Variants in ADAMTSL1 observed in about 807,000 individuals in gnomAD.
The protein encoded by ADAMTSL1 is ADAMTS-like protein 1.
In ADAMTSL1, 126 loss-of-function variants were observed where a neutral mutation model predicts 201.8. The observed-to-expected ratio is 0.62, with a 90% CI of 0.54 to 0.72. ADAMTSL1 has a LOEUF of 0.72. Ranked by LOEUF, ADAMTSL1 falls within the 30% of genes least tolerant of loss-of-function variation. The pLI is 0.00. For missense variants in ADAMTSL1, 2,679 were observed against 2,277.8 expected, an observed-to-expected ratio of 1.18 and a Z score of -3.59; for synonymous variants, 1,121 against 903.4, an observed-to-expected ratio of 1.24 and a Z score of -4.32.
intron 2 of ADAMTSL1, among the ~76,000 whole-genome samples, chr9:18,256,111 C>T (rs1831672806): frequency 6.6e-6 from 1 of 152,180 alleles, no homozygotes; most frequent in South Asian, 2.1e-4. Context: ...TAAAATGTGA[C>T]ATAATGCTTC....
At chr9:18,260,929 A>G (rs762700851) in intron 2 of ADAMTSL1, among the ~76,000 whole-genome samples, 1 of 150,454 alleles carries the variant, frequency 6.6e-6, no homozygotes, top group Non-Finnish European at 1.5e-5. Flanking sequence ...GGCTCTGGCT[A>G]TGTTCAGCTC....
At chr9:18,685,496 G>T (rs1587894713) in intron 13 of ADAMTSL1, among the ~76,000 whole-genome samples, 1 of 152,040 alleles carries the variant, frequency 6.6e-6, no homozygotes, top group Admixed American at 6.5e-5. Flanking sequence ...ACAAACGAGG[G>T]GATACAATTG....
intron 1 of ADAMTSL1, among the ~76,000 whole-genome samples, chr9:18,099,203 CT>C (rs1169024096): frequency 6.7e-6 from 1 of 149,202 alleles, no homozygotes; most frequent in Non-Finnish European, 1.5e-5. Context: ...CATTATCTGT[CT>C]TTGAGTATTC....
chr9:18,905,591 A>G (rs1830258418), intron 26 of ADAMTSL1, 191 bp from the exon 27 acceptor site: 1 of 570,682 alleles, frequency 1.8e-6, no homozygotes, highest in East Asian at 2.9e-5. Context: ...GACCACAGGA[A>G]ATCTAACCAT....
chr9:18,410,067 A>G (rs543468400), intron 2 of ADAMTSL1, among the ~76,000 whole-genome samples: 2 of 151,970 alleles, frequency 1.3e-5, no homozygotes, highest in South Asian at 4.2e-4. Context: ...TTTTGTAGAT[A>G]CCCTTTATTA....
At chr9:18,409,074 A>G (rs997103622) in intron 2 of ADAMTSL1, among the ~76,000 whole-genome samples, 2 of 151,974 alleles carry the variant, frequency 1.3e-5, no homozygotes, top group Admixed American at 6.6e-5. Context: ...CTGTGAATCT[A>G]TTTTTCAAAT....
At chr9:17,969,118 G>C (rs1818101210) in intron 1 of ADAMTSL1, among the ~76,000 whole-genome samples, 1 of 151,882 alleles carries the variant, frequency 6.6e-6, no homozygotes, top group Non-Finnish European at 1.5e-5. Context: ...TGTATACATT[G>C]AGCCTAATTT....
intron 1 of ADAMTSL1, among the ~76,000 whole-genome samples, chr9:18,500,351 A>G (rs773903068): frequency 1.6e-4 from 24 of 152,266 alleles, no homozygotes; most frequent in Non-Finnish European, 2.9e-4. Flanking sequence ...TGTAGGAGGC[A>G]TATAATGATC....
At chr9:18,583,351 G>A (rs948298015) in intron 4 of ADAMTSL1, among the ~76,000 whole-genome samples, 7 of 152,338 alleles carry the variant, frequency 4.6e-5, no homozygotes, top group Middle Eastern at 3.4e-3. Flanking sequence ...CTTCCATGTG[G>A]TGTTGAGCCT....
intron 3 of ADAMTSL1, among the ~76,000 whole-genome samples, chr9:18,547,077 CCATTT>C (rs1425350779): frequency 6.6e-6 from 1 of 152,072 alleles, no homozygotes; most frequent in African/African-American, 2.4e-5. Flanking sequence ...TTTCTTATTA[CCATTT>C]AATTTACTAT....
At chr9:18,885,837 C>T (rs1177823994) in intron 23 of ADAMTSL1, among the ~76,000 whole-genome samples, 4 of 152,038 alleles carry the variant, frequency 2.6e-5, no homozygotes, top group Admixed American at 1.3e-4. Context: ...GGAAAGAACA[C>T]GGTCCAGGCG....
intron 14 of ADAMTSL1, among the ~76,000 whole-genome samples, chr9:18,707,289 T>G (rs1490676928): frequency 6.6e-6 from 1 of 152,218 alleles, no homozygotes; most frequent in Non-Finnish European, 1.5e-5. Flanking sequence ...TGGCTTTCAG[T>G]TGTCATTCTG....
chr9:18,672,536 A>C (rs1261125884), intron 9 of ADAMTSL1, among the ~76,000 whole-genome samples: 1 of 152,204 alleles, frequency 6.6e-6, no homozygotes, highest in African/African-American at 2.4e-5. Context: ...ATCTGTGTGT[A>C]TACATGTGTC....
chr9:18,751,633 C>T (rs1391284027), intron 15 of ADAMTSL1, among the ~76,000 whole-genome samples: 1 of 152,202 alleles, frequency 6.6e-6, no homozygotes, highest in African/African-American at 2.4e-5. Context: ...AAAACTGACT[C>T]AGATGCGGGC....
intron 23 of ADAMTSL1, among the ~76,000 whole-genome samples, chr9:18,871,198 G>A (rs564771283): frequency 6.6e-5 from 10 of 152,248 alleles, no homozygotes; most frequent in Admixed American, 4.6e-4. Context: ...ATTACCAGAG[G>A]TGGGGAGCCT....
intron 16 of ADAMTSL1, among the ~76,000 whole-genome samples, chr9:18,768,866 T>G (rs1820517335): frequency 6.6e-6 from 1 of 152,184 alleles, no homozygotes; most frequent in African/African-American, 2.4e-5. Flanking sequence ...CCATTGGGTA[T>G]GGTGAGAGAA....
intron 2 of ADAMTSL1, among the ~76,000 whole-genome samples, chr9:18,467,785 GCTTT>G (rs1175789840): frequency 6.6e-6 from 1 of 152,200 alleles, no homozygotes; most frequent in African/African-American, 2.4e-5. Flanking sequence ...GTGGAGCATG[GCTTT>G]CTATTATCCT....
At chr9:17,943,576 T>C (rs1234372521) in intron 1 of ADAMTSL1, among the ~76,000 whole-genome samples, 1 of 152,128 alleles carries the variant, frequency 6.6e-6, no homozygotes, top group African/African-American at 2.4e-5. Context: ...TTCTACATGG[T>C]ATGAATAGCT....
At chr9:18,783,806 A>G (rs770640873) in intron 19 of ADAMTSL1, among the ~76,000 whole-genome samples, 2 of 152,022 alleles carry the variant, frequency 1.3e-5, no homozygotes, top group Non-Finnish European at 2.9e-5. Context: ...ATATACAACA[A>G]AGACTACAGG....
Sources: allele counts gnomAD v4.1 joint callset (sites outside exome capture counted in the v4.1 genomes callset), GRCh38; gene constraint gnomAD v4.1.1; transcripts MANE v1.5; gene names NCBI Gene and HGNC (gene_info 2026-07-23, HGNC 2026-07-21).